PCDHGB4: variants seen among roughly 807,000 people sequenced by gnomAD.
The protein encoded by PCDHGB4 is protocadherin gamma subfamily B, 4, also known as protocadherin gamma-B4.
Under a neutral mutation model 60.5 loss-of-function variants are expected in PCDHGB4, and 38 were observed. That is an observed-to-expected ratio of 0.63 (90% CI 0.48 to 0.82). The LOEUF is 0.82. Ranked by LOEUF, PCDHGB4 falls within the 40% of genes least tolerant of loss-of-function variation. PCDHGB4 has a pLI of 0.00. For synonymous variants in PCDHGB4, 456 were observed against 509.7 expected (o/e 0.89, Z 1.42); for missense variants, 1,109 against 1,209.6 (o/e 0.92, Z 1.23).
At chr5:141,433,004 T>G (rs368646186) in intron 1 of PCDHGB4, 48 of 1,614,028 alleles carry the variant, frequency 3.0e-5, no homozygotes, top group Non-Finnish European at 3.4e-5. Context: ...GGTGCAGGCT[T>G]TCCTGCAGAC....
chr5:141,393,766 A>G, intron 1 of PCDHGB4: 2 of 1,613,950 alleles, frequency 1.2e-6, no homozygotes. Flanking sequence ...TATGAAATGG[A>G]AATACAAGCC....
intron 1 of PCDHGB4, among the ~76,000 whole-genome samples, chr5:141,433,408 A>ATCT (rs1413347413): frequency 3.1e-3 from 395 of 127,344 alleles, no homozygotes; most frequent in African/African-American, 0.011. Context: ...TCTATCTATT[A>ATCT]CTTTCTTGTA....
intron 1 of PCDHGB4, chr5:141,419,384 G>T (rs1383174444): frequency 1.2e-6 from 2 of 1,613,554 alleles, no homozygotes; most frequent in East Asian, 2.2e-5. Flanking sequence ...GTCCGTGAGC[G>T]CGCAGAGCGG....
At chr5:141,414,883 G>A (rs572616023) in intron 1 of PCDHGB4, 1 of 1,614,176 alleles carries the variant, frequency 6.2e-7, no homozygotes, top group South Asian at 1.1e-5. Context: ...CCTGTACCCC[G>A]CCCTCCCCAC....
chr5:141,475,098 C>G (rs1252108172), intron 1 of PCDHGB4, among the ~76,000 whole-genome samples: 1 of 152,108 alleles, frequency 6.6e-6, no homozygotes, highest in East Asian at 1.9e-4. Flanking sequence ...TTATAAAGAT[C>G]CTAGGTGGTA....
At chr5:141,409,192 G>A in intron 1 of PCDHGB4, 4 of 1,614,000 alleles carry the variant, frequency 2.5e-6, no homozygotes, top group Non-Finnish European at 3.4e-6. Context: ...TCTCTACCCA[G>A]TGTAAAGTAA....
intron 1 of PCDHGB4, among the ~76,000 whole-genome samples, chr5:141,481,647 A>G (rs749515062): frequency 1.6e-4 from 25 of 151,712 alleles, no homozygotes; most frequent in Non-Finnish European, 2.8e-4. Flanking sequence ...GTGAAACTTC[A>G]TCTCTACTAA....
intron 1 of PCDHGB4, among the ~76,000 whole-genome samples, chr5:141,406,193 C>T (rs2094777569): frequency 1.3e-5 from 2 of 151,820 alleles, no homozygotes. Flanking sequence ...CCACCTCAGC[C>T]TTCACAGTAG....
chr5:141,394,941 G>C lies in PCDHGB4; in HGVS notation c.2397+4660G>C, dbSNP rs1238884149. The C allele has an allele frequency of 3.1e-6, 5 of 1,613,748 alleles. No individual in the cohort carries two copies. The East Asian group carries it at 1.1e-4, about 36-fold the overall frequency. On this transcript the variant is annotated intron_variant, in intron 1 of 3. Coordinates refer to ENST00000519479, the MANE Select transcript of PCDHGB4 (RefSeq NM_003736.4). Reference sequence around the variant, plus strand: ...CTGTGTCTTCCTCGCCTTTGTCGCTGTGCTTCTGGGGCTCAGGCTGAGGCG... The same window carrying C: ...CTGTGTCTTCCTCGCCTTTGTCGCTCTGCTTCTGGGGCTCAGGCTGAGGCG...
chr5:141,476,459 C>T lies in PCDHGB4; in HGVS notation c.2398-18348C>T. On this transcript the variant is annotated intron_variant, in intron 1 of 3. Coordinates refer to ENST00000519479, the MANE Select transcript of PCDHGB4 (RefSeq NM_003736.4). The surrounding 1 kb of genome is among the most constrained non-coding windows in gnomAD (Gnocchi z 7.6). ...AACTCTGGAGTTGGTAGTGGAGAACCCGCTGGAGCTGTTCAGCGTGGAAGT... is the reference window on the plus strand; with the variant it reads ...AACTCTGGAGTTGGTAGTGGAGAACTCGCTGGAGCTGTTCAGCGTGGAAGT... 6.2e-7 allele frequency: 1 copy of T among 1,614,048 alleles called. No individual in the cohort carries two copies. Among genetic ancestry groups the T allele is most frequent in the Non-Finnish European group, 8.5e-7 (1 of 1,180,006 alleles).
chr5:141,506,415 C>T lies in PCDHGB4; in HGVS notation c.2545+934C>T, dbSNP rs2099853185. 2.0e-5 allele frequency among the ~76,000 whole-genome samples: 3 copies of T among 148,290 alleles called. No homozygotes were observed. The South Asian group carries it at 6.4e-4, about 32-fold the overall frequency. On this transcript the variant is annotated intron_variant, in intron 3 of 3. Coordinates refer to ENST00000519479, the MANE Select transcript of PCDHGB4 (RefSeq NM_003736.4). ...GAGCAGAAAATCGCACCACTGCACT[C>T]CAGCCTGGGCAACAGTCTCGCTCTG...
chr5:141,491,148 G>A lies in PCDHGB4; in HGVS notation c.2398-3659G>A. The A allele has an allele frequency of 6.8e-6, 11 of 1,614,140 alleles. No homozygotes were observed. The highest frequency in any genetic ancestry group is 9.3e-6 in the Non-Finnish European group (11 of 1,179,990). The stretch of plus-strand genomic sequence containing the variant: ...TGCGCACAGCCCGGGCCTTACTGGA[G>A]GATGACTCTGACACCCAGCAGGTGG... On this transcript the variant is annotated intron_variant, in intron 1 of 3. Transcript: ENST00000519479. The surrounding 1 kb of genome is among the most constrained non-coding windows in gnomAD (Gnocchi z 6.9).
In PCDHGB4 at chr5:141,431,048, A is replaced by T; in HGVS notation, c.2397+40767A>T. On this transcript the variant is annotated intron_variant, in intron 1 of 3. Transcript: ENST00000519479. This position sits in a 1 kb window ranked among gnomAD's most constrained non-coding sequence, Gnocchi z 4.8. ...CAGGATAGACCGGGAGGAGCTCTGT[A>T]TGGGGGCCATCAAGTGTCAATTAAA... 6.2e-7 allele frequency: 1 copy of T among 1,614,180 alleles called. No homozygotes were observed. The highest frequency in any genetic ancestry group is 1.1e-5 in the South Asian group (1 of 91,088).
chr5:141,390,043 C>T lies in PCDHGB4; in HGVS notation c.2159C>T (p.Ala720Val). 1.2e-6 allele frequency: 2 copies of T among 1,614,064 alleles called. No individual in the cohort carries two copies. Among genetic ancestry groups the T allele is most frequent in the Non-Finnish European group, 8.5e-7 (1 of 1,179,910 alleles). ...ALRLRRSSSP[A>V]SWSCFQPGLC... ...CGCCTGCGACGCTCCTCCAGCCCCGCCTCCTGGAGCTGCTTCCAGCCTGGT... is the reference window on the plus strand; with the variant it reads ...CGCCTGCGACGCTCCTCCAGCCCCGTCTCCTGGAGCTGCTTCCAGCCTGGT... Residue 720 changes from alanine (A) to valine (V), a missense_variant, in exon 1 of 4, where the codon GCC (alanine) becomes GTC (valine). Physicochemically the swap from Ala to Val is moderately conservative, Grantham distance 64 (BLOSUM62 0). Transcript: ENST00000519479.
chr5:141,479,211 A>G (rs2099490342), intron 1 of PCDHGB4: 1 of 152,422 alleles, frequency 6.6e-6, no homozygotes, highest in African/African-American at 2.4e-5. Context: ...AAGTATTTAA[A>G]AAATTAAAAC....
At position 141,493,887 on chromosome 5, in the gene PCDHGB4, G is replaced by C. The variant is rs760575047; in HGVS notation, c.2398-920G>C. On this transcript the variant is annotated intron_variant, in intron 1 of 3. Transcript: ENST00000519479. This position sits in a 1 kb window ranked among gnomAD's most constrained non-coding sequence, Gnocchi z 4.3. Reference sequence around the variant, plus strand: ...AGAACCAGTGAGGAGGTGGCTCTAGGAGTGCTCCATGAGAGTGTGTGATGG... The same window carrying C: ...AGAACCAGTGAGGAGGTGGCTCTAGCAGTGCTCCATGAGAGTGTGTGATGG... Among the ~76,000 whole-genome samples, 11 of 152,184 alleles carry C rather than the reference G, an allele frequency of 7.2e-5. No homozygotes were observed. Among genetic ancestry groups the C allele is most frequent in the Non-Finnish European group, 1.2e-4 (8 of 68,026 alleles).
At chr5:141,428,532 C>T (rs1561836699) in intron 1 of PCDHGB4, 7 of 277,518 alleles carry the variant, frequency 2.5e-5, no homozygotes, top group Non-Finnish European at 5.0e-5. Context: ...TTAATTTTCT[C>T]ACCATGACAC....
intron 1 of PCDHGB4, among the ~76,000 whole-genome samples, chr5:141,484,281 C>T (rs969039536): frequency 6.6e-6 from 1 of 152,202 alleles, no homozygotes; most frequent in Admixed American, 6.5e-5. Context: ...TGTTTTGAAA[C>T]ATCTCCCTCT....
intron 1 of PCDHGB4, among the ~76,000 whole-genome samples, chr5:141,454,476 A>G (rs918910449): frequency 6.6e-6 from 1 of 151,806 alleles, no homozygotes; most frequent in Non-Finnish European, 1.5e-5. Flanking sequence ...GCATGATCTC[A>G]GCTCACCGCA....
Sources: allele counts gnomAD v4.1 joint callset (sites outside exome capture counted in the v4.1 genomes callset), GRCh38; gene constraint gnomAD v4.1.1; non-coding constraint Gnocchi (gnomAD v3.1); transcripts MANE v1.5; gene names NCBI Gene and HGNC (gene_info 2026-07-23, HGNC 2026-07-21).